ARMH3: variants seen among roughly 807,000 people sequenced by gnomAD.
The protein encoded by ARMH3 is armadillo like helical domain containing 3.
A neutral mutation model predicts 99.1 loss-of-function variants in ARMH3; 60 were observed. That is an observed-to-expected ratio of 0.61 (90% CI 0.49 to 0.75). The LOEUF (loss-of-function observed/expected upper bound fraction) is 0.75. Among genes scored for constraint, ARMH3 ranks in the 30% least tolerant of loss-of-function variants. ARMH3 has a pLI of 0.00. For missense variants in ARMH3, 679 were observed against 843.1 expected (o/e 0.81, Z 2.41); for synonymous variants, 285 against 292.8 (o/e 0.97, Z 0.27).
At chr10:101,913,304 G>T (rs997039041) in intron 23 of ARMH3, 6 of 148,710 alleles carry the variant, frequency 4.0e-5, no homozygotes, top group African/African-American at 1.5e-4. Context: ...CTAGGAGAAA[G>T]CTCTTGGTTA....
chr10:101,966,102 CTT>C (rs1047048779), intron 20 of ARMH3, among the ~76,000 whole-genome samples: 11 of 126,284 alleles, frequency 8.7e-5, no homozygotes, highest in African/African-American at 2.0e-4. Flanking sequence ...TTTTTCTTTT[CTT>C]TTTTTTTTTT....
chr10:102,034,947 A>T (rs2067215102), intron 2 of ARMH3, among the ~76,000 whole-genome samples: 1 of 152,062 alleles, frequency 6.6e-6, no homozygotes, highest in African/African-American at 2.4e-5. Context: ...AAAATAAATA[A>T]GTAAATAGGC....
chr10:101,914,864 CAA>C (rs373264871), intron 23 of ARMH3, among the ~76,000 whole-genome samples: 947 of 66,520 alleles, frequency 0.014, 4 homozygotes, highest in African/African-American at 0.058. Flanking sequence ...AAATCCATCT[CAA>C]AAAAAAAAAA....
intron 22 of ARMH3, among the ~76,000 whole-genome samples, chr10:101,946,419 G>A (rs949080552): frequency 6.6e-6 from 1 of 151,968 alleles, no homozygotes; most frequent in Non-Finnish European, 1.5e-5. Flanking sequence ...GGCTGAGGTA[G>A]GAGGATCACT....
intron 23 of ARMH3, among the ~76,000 whole-genome samples, chr10:101,915,800 C>CTTT (rs781162716): frequency 3.6e-4 from 47 of 130,858 alleles, no homozygotes; most frequent in African/African-American, 5.9e-4. Context: ...ATTGCAAGTC[C>CTTT]TTTTTTTTTT....
intron 24 of ARMH3, among the ~76,000 whole-genome samples, chr10:101,883,191 G>T (rs1400540260): frequency 6.6e-6 from 1 of 152,118 alleles, no homozygotes; most frequent in Admixed American, 6.6e-5. Context: ...AAGATGGGAG[G>T]ATCACTTTAG....
At chr10:102,003,072 G>A (rs2066404260) in intron 14 of ARMH3, among the ~76,000 whole-genome samples, 2 of 152,058 alleles carry the variant, frequency 1.3e-5, no homozygotes, top group South Asian at 4.1e-4. Context: ...ATGTTTCTAA[G>A]AGAAATCCCC....
intron 19 of ARMH3, among the ~76,000 whole-genome samples, chr10:101,986,791 T>TG (rs1441367979): frequency 2.0e-5 from 3 of 151,846 alleles, no homozygotes; most frequent in African/African-American, 7.3e-5. Flanking sequence ...GAGCTAGAAG[T>TG]GGGGGAAGGA....
intron 24 of ARMH3, among the ~76,000 whole-genome samples, chr10:101,857,039 G>T (rs1461135280): frequency 1.3e-5 from 2 of 151,756 alleles, no homozygotes; most frequent in Admixed American, 6.6e-5. Flanking sequence ...CCACAAAGTA[G>T]GTATACAGAA....
intron 24 of ARMH3, among the ~76,000 whole-genome samples, chr10:101,877,263 G>A (rs1040316059): frequency 6.6e-6 from 1 of 151,668 alleles, no homozygotes; most frequent in African/African-American, 2.4e-5. Flanking sequence ...TTCAGGAGGT[G>A]GAGGTGGTAG....
At chr10:102,004,794 G>A (rs1341548107) in intron 14 of ARMH3, among the ~76,000 whole-genome samples, 8 of 152,220 alleles carry the variant, frequency 5.3e-5, no homozygotes, top group Non-Finnish European at 8.8e-5. Context: ...TTGGGGCTGG[G>A]CATGGTGGCT....
At chr10:101,998,366 T>C (rs1847155847) in intron 15 of ARMH3, among the ~76,000 whole-genome samples, 1 of 152,240 alleles carries the variant, frequency 6.6e-6, no homozygotes, top group Admixed American at 6.5e-5. Flanking sequence ...TCTTGCCAAG[T>C]CTCAGAGGTT....
At chr10:101,901,521 T>C (rs2067978886) in intron 23 of ARMH3, among the ~76,000 whole-genome samples, 1 of 152,078 alleles carries the variant, frequency 6.6e-6, no homozygotes. Flanking sequence ...AGACGTGGCG[T>C]TACTCGGCCC....
chr10:101,930,451 C>T (rs1590040279), intron 23 of ARMH3, among the ~76,000 whole-genome samples: 2 of 152,036 alleles, frequency 1.3e-5, no homozygotes, highest in Admixed American at 1.3e-4. Flanking sequence ...ACCTATAAAA[C>T]CACCTATAAT....
chr10:101,985,531 C>G (rs1249090400), intron 19 of ARMH3, among the ~76,000 whole-genome samples: 1 of 151,626 alleles, frequency 6.6e-6, no homozygotes, highest in African/African-American at 2.4e-5. Context: ...CTAGGCAACA[C>G]AGCAAAACTC....
intron 19 of ARMH3, among the ~76,000 whole-genome samples, chr10:101,989,068 C>A (rs1026379182): frequency 6.6e-6 from 1 of 151,916 alleles, no homozygotes; most frequent in Non-Finnish European, 1.5e-5. Flanking sequence ...GCCCAAAAAT[C>A]GGAGGGAGCA....
intron 22 of ARMH3, 98 bp from the exon 23 acceptor site, chr10:101,940,036 CCAAA>C (rs1438822149): frequency 2.3e-6 from 2 of 858,900 alleles, no homozygotes; most frequent in Non-Finnish European, 3.6e-6. Flanking sequence ...CTCAGAATAA[CCAAA>C]CAAAGCCTGC....
intron 12 of ARMH3, 29 bp downstream of exon 12, chr10:102,009,948 G>A (rs2066593961): frequency 6.2e-7 from 1 of 1,607,118 alleles, no homozygotes; most frequent in Non-Finnish European, 8.5e-7. Flanking sequence ...TAAAGTCCAA[G>A]TCACTGCACA....
chr10:102,001,718 T>C (rs1161161756), intron 15 of ARMH3, among the ~76,000 whole-genome samples: 3 of 152,224 alleles, frequency 2.0e-5, no homozygotes, highest in African/African-American at 4.8e-5. Flanking sequence ...GAAGATTTGC[T>C]AGCTTTCAAA....
Sources: allele counts gnomAD v4.1 joint callset (sites outside exome capture counted in the v4.1 genomes callset), GRCh38; gene constraint gnomAD v4.1.1; transcripts MANE v1.5; gene names NCBI Gene and HGNC (gene_info 2026-07-23, HGNC 2026-07-21).